PCDHGB1: variants seen among roughly 807,000 people sequenced by gnomAD.
The protein encoded by PCDHGB1 is protocadherin gamma-B1.
PCDHGB1 carries 34 observed loss-of-function variants against 56.6 expected under a neutral mutation model. The observed-to-expected ratio is 0.60, with a 90% CI of 0.46 to 0.80. The LOEUF (loss-of-function observed/expected upper bound fraction) is 0.80. PCDHGB1 is among the 30% of genes least tolerant of loss of function. PCDHGB1 has a pLI of 0.00. For missense variants in PCDHGB1, 1,278 were observed against 1,204.6 expected (o/e 1.06, Z -0.90); for synonymous variants, 561 against 505.9 (o/e 1.11, Z -1.46).
At chr5:141,468,853 G>C (rs893773356) in intron 1 of PCDHGB1, among the ~76,000 whole-genome samples, 5 of 150,898 alleles carry the variant, frequency 3.3e-5, no homozygotes, top group Non-Finnish European at 7.4e-5. Flanking sequence ...GCAACAGAGC[G>C]AGACTCCATC....
At chr5:141,381,831 T>C (rs1313642722) in intron 1 of PCDHGB1, among the ~76,000 whole-genome samples, 7 of 136,370 alleles carry the variant, frequency 5.1e-5, no homozygotes, top group African/African-American at 2.0e-4. Context: ...TTCTTCTTTT[T>C]TTTTTTTTTT....
chr5:141,485,344 C>G lies in PCDHGB1; in HGVS notation c.2410-9463C>G. On this transcript the variant is annotated intron_variant, in intron 1 of 3. Coordinates refer to ENST00000523390, the MANE Select transcript of PCDHGB1 (RefSeq NM_018922.3). This position sits in a 1 kb window ranked among gnomAD's most constrained non-coding sequence, Gnocchi z 5.7. ...CTCAAGATTTCCTGCTGGATACGGA[C>G]AGTCTGTCAGCTCGCAGGCTGCAGG... 6.2e-7 allele frequency: 1 copy of G among 1,614,116 alleles called. No individual in the cohort carries two copies. The highest frequency in any genetic ancestry group is 8.5e-7 in the Non-Finnish European group (1 of 1,180,004).
chr5:141,372,280 C>T, intron 1 of PCDHGB1: 2 of 1,613,164 alleles, frequency 1.2e-6, no homozygotes, highest in Admixed American at 1.7e-5. Flanking sequence ...GTGCGCACGG[C>T]GCGTACCTTG....
At chr5:141,462,062 A>T (rs957948334) in intron 1 of PCDHGB1, among the ~76,000 whole-genome samples, 3 of 152,168 alleles carry the variant, frequency 2.0e-5, no homozygotes, top group African/African-American at 2.4e-5. Context: ...ACCTCAGGTG[A>T]TCTGCCCGCC....
chr5:141,415,029 G>A (rs777967290), intron 1 of PCDHGB1: 4 of 1,613,436 alleles, frequency 2.5e-6, no homozygotes, highest in Non-Finnish European at 3.4e-6. Flanking sequence ...CCAGCGAGCC[G>A]GGACTCTTCG....
intron 1 of PCDHGB1, chr5:141,393,237 A>C (rs1561641299): frequency 6.2e-7 from 1 of 1,613,684 alleles, no homozygotes; most frequent in Non-Finnish European, 8.5e-7. Context: ...AGAAGTAAAA[A>C]TTAACGAAAT....
intron 1 of PCDHGB1, chr5:141,361,524 G>A (rs551885796): frequency 1.7e-5 from 27 of 1,613,938 alleles, no homozygotes; most frequent in Non-Finnish European, 2.3e-5. Context: ...ACGTGGCAGA[G>A]AACAATCCTC....
At chr5:141,370,568 G>C in intron 1 of PCDHGB1, 1 of 1,613,930 alleles carries the variant, frequency 6.2e-7, no homozygotes, top group Non-Finnish European at 8.5e-7. Context: ...GGTTTGGCGT[G>C]GGGGATTTAC....
At chr5:141,364,213 C>A (rs1212511912) in intron 1 of PCDHGB1, 4 of 1,275,024 alleles carry the variant, frequency 3.1e-6, no homozygotes, top group East Asian at 2.6e-5. Context: ...CAAGCTCCTA[C>A]GAAAAGCCAA....
intron 1 of PCDHGB1, chr5:141,430,745 T>C (rs377018529): frequency 1.3e-4 from 191 of 1,499,634 alleles, no homozygotes; most frequent in Non-Finnish European, 1.7e-4. Context: ...AAAATAATTC[T>C]GGAGGAAGAT....
chr5:141,404,945 G>A (rs753544983), intron 1 of PCDHGB1: 6 of 1,613,952 alleles, frequency 3.7e-6, no homozygotes, highest in Non-Finnish European at 5.1e-6. Flanking sequence ...AGTAGCCATA[G>A]CTGACAGCAT....
Position 141,432,149 on chromosome 5 carries a change from A to G in PCDHGB1, c.2410-62658A>G. The G allele has an allele frequency of 6.2e-7, 1 of 1,613,964 alleles. No individual in the cohort carries two copies. The highest frequency in any genetic ancestry group is 8.5e-7 in the Non-Finnish European group (1 of 1,179,986). On this transcript the variant is annotated intron_variant, in intron 1 of 3. Transcript: ENST00000523390. This position sits in a 1 kb window ranked among gnomAD's most constrained non-coding sequence, Gnocchi z 6.0. Reference sequence around the variant, plus strand: ...CTCCTATTCCGCTTATATCCCAGAGAACAATCCCAGAGGAGTTTCCCTCGT... The same window carrying G: ...CTCCTATTCCGCTTATATCCCAGAGGACAATCCCAGAGGAGTTTCCCTCGT...
chr5:141,421,885 G>T, intron 1 of PCDHGB1: 1 of 1,613,692 alleles, frequency 6.2e-7, no homozygotes, highest in Non-Finnish European at 8.5e-7. Context: ...AGATGGAGGC[G>T]ATCCCATCCG....
intron 1 of PCDHGB1, among the ~76,000 whole-genome samples, chr5:141,435,696 A>G (rs932132128): frequency 1.3e-5 from 2 of 152,204 alleles, no homozygotes; most frequent in East Asian, 1.9e-4. Context: ...TGCTTATTGT[A>G]GAGTGGTTAC....
intron 1 of PCDHGB1, among the ~76,000 whole-genome samples, chr5:141,471,869 G>A (rs1234106506): frequency 6.6e-6 from 1 of 152,172 alleles, no homozygotes; most frequent in Non-Finnish European, 1.5e-5. Flanking sequence ...AACTGTGGTT[G>A]CCTGAGGCTG....
intron 1 of PCDHGB1, chr5:141,426,871 A>G (rs887250057): frequency 2.2e-6 from 1 of 456,722 alleles, no homozygotes; most frequent in Non-Finnish European, 4.4e-6. Flanking sequence ...GTGCTGGAGA[A>G]GCCCCTGGGC....
At position 141,375,555 on chromosome 5, in the gene PCDHGB1, T is replaced by G. The variant is rs535412919; in HGVS notation, c.2409+22886T>G. 50 of 1,614,076 alleles carry G rather than the reference T, an allele frequency of 3.1e-5. No homozygotes were observed. In the Admixed American group the frequency reaches 5.5e-4, roughly 18 times the overall value. On this transcript the variant is annotated intron_variant, in intron 1 of 3. Transcript: ENST00000523390. ...CAGAACGCCCAAGTCTCCTACTCAC[T>G]GGCAGAAGACACCCTCCAGGGGGCG... is the stretch of plus-strand genomic sequence containing the variant.
At chr5:141,421,783 A>G in intron 1 of PCDHGB1, 1 of 1,613,882 alleles carries the variant, frequency 6.2e-7, no homozygotes, top group East Asian at 2.2e-5. Flanking sequence ...ACTGCGGGGC[A>G]GAACGGATGG....
chr5:141,426,394 A>G (rs1353766048), intron 1 of PCDHGB1: 1 of 258,122 alleles, frequency 3.9e-6, no homozygotes, highest in African/African-American at 2.2e-5. Flanking sequence ...CCGCTACTCT[A>G]TTCCAGAAGA....
Sources: gnomAD v4.1 joint callset for allele counts (sites outside exome capture counted in the v4.1 genomes callset) on GRCh38, gnomAD v4.1.1 for gene constraint, Gnocchi (gnomAD v3.1) non-coding constraint, MANE v1.5 for transcripts, NCBI Gene and HGNC (gene_info 2026-07-23, HGNC 2026-07-21) for gene names.